The following UBE2S variants were observed in gnomAD, a reference collection of about 807,000 sequenced individuals.
UBE2S encodes ubiquitin-conjugating enzyme E2 S.
In UBE2S, 3 loss-of-function variants were observed where a neutral mutation model predicts 12.3. The ratio of observed to expected loss-of-function variants is 0.24; its 90% CI spans 0.11 to 0.63. The LOEUF (loss-of-function observed/expected upper bound fraction) is 0.63. Ranked by LOEUF, UBE2S falls within the 30% of genes least tolerant of loss-of-function variation. The pLI, the probability that UBE2S is intolerant of heterozygous loss-of-function variation, is 0.85. For missense variants in UBE2S, 211 were observed against 313.9 expected (o/e 0.67, Z 2.48); for synonymous variants, 133 against 142.0 (o/e 0.94, Z 0.45).
intron 3 of UBE2S, among the ~76,000 whole-genome samples, chr19:55,401,986 G>C (rs2090063050): frequency 6.6e-6 from 1 of 152,220 alleles, no homozygotes. Flanking sequence ...AGGACACGAT[G>C]CCATAGGCCC....
At chr19:55,407,100 C>A in intron 1 of UBE2S, 138 bp from the exon 2 acceptor site, 1 of 1,090,300 alleles carries the variant, frequency 9.2e-7, no homozygotes, top group Non-Finnish European at 1.3e-6. Context: ...AGACCCTCAC[C>A]CAGGATGCTT....
Position 55,404,191 on chromosome 19 carries a change from A to G in UBE2S, c.342+97T>C, listed in dbSNP as rs774129238. ...ATGTGGAAACCTTCAACCACTTCAG[A>G]GTTGATTCAGAAAAACTAAACAAAG... is the stretch of plus-strand genomic sequence containing the variant. On this transcript the variant is annotated intron_variant, in intron 3 of 3. Coordinates refer to ENST00000264552, the MANE Select transcript of UBE2S (RefSeq NM_014501.3). This position sits in a 1 kb window ranked among gnomAD's most constrained non-coding sequence, Gnocchi z 4.4. 3 of 1,476,872 alleles carry G rather than the reference A, an allele frequency of 2.0e-6. No homozygotes were observed. Among genetic ancestry groups the G allele is most frequent in the East Asian group, 2.4e-5 (1 of 42,456 alleles). 91.5% of individuals were successfully genotyped at this position (1,476,872 alleles called of 1,614,324 possible).
At chr19:55,402,169 G>A (rs746639669) in intron 3 of UBE2S, among the ~76,000 whole-genome samples, 17 of 152,204 alleles carry the variant, frequency 1.1e-4, no homozygotes, top group Admixed American at 2.6e-4. Context: ...CTGGTTCAAC[G>A]AGTGAGGCCT....
chr19:55,402,578 A>G (rs780346235), intron 3 of UBE2S, among the ~76,000 whole-genome samples: 21 of 152,172 alleles, frequency 1.4e-4, no homozygotes, highest in Non-Finnish European at 2.4e-4. Flanking sequence ...CATACACAGT[A>G]CCTGGCTCAG....
At chr19:55,406,497 T>C (rs1161712543) in intron 2 of UBE2S, among the ~76,000 whole-genome samples, 3 of 151,928 alleles carry the variant, frequency 2.0e-5, no homozygotes, top group African/African-American at 7.2e-5. Context: ...GCTGACACCA[T>C]TCCCACCACC....
At chr19:55,402,067 C>T (rs1318121467) in intron 3 of UBE2S, among the ~76,000 whole-genome samples, 1 of 152,208 alleles carries the variant, frequency 6.6e-6, no homozygotes, top group Non-Finnish European at 1.5e-5. Context: ...GGCCCCCTCT[C>T]AGGAGTCCAT....
chr19:55,402,887 T>G, intron 3 of UBE2S: 1 of 1,439,082 alleles, frequency 6.9e-7, no homozygotes, highest in Non-Finnish European at 9.3e-7. Flanking sequence ...CCCCACCCTC[T>G]CTGCCATGTG....
In UBE2S at chr19:55,404,958, C is replaced by T. The variant is rs1241064356; in HGVS notation, c.152-480G>A. ...AGGTGTGGTGGCTCACGCCTGTAAT[C>T]CCAGCACTTTGGGAGGCTAAGGCGG... On this transcript the variant is annotated intron_variant, in intron 2 of 3. Transcript: ENST00000264552. This position sits in a 1 kb window ranked among gnomAD's most constrained non-coding sequence, Gnocchi z 4.4. Among the ~76,000 whole-genome samples, 1 of 151,678 alleles carries T rather than the reference C, an allele frequency of 6.6e-6. No individual in the cohort carries two copies. Among genetic ancestry groups the T allele is most frequent in the Middle Eastern group, 3.4e-3 (1 of 294 alleles).
Position 55,401,694 on chromosome 19 carries a change from G to A in UBE2S, c.411C>T (p.Leu137=), listed in dbSNP as rs970279716. 6.2e-7 allele frequency: 1 copy of A among 1,613,018 alleles called. No individual in the cohort carries two copies. Among genetic ancestry groups the A allele is most frequent in the African/African-American group, 1.3e-5 (1 of 74,920 alleles). ...CCGCATACTCCTCGTAGTTCTCCAAGAGCAGGCGGCCCGCCTCCTCGTTGA... is the reference window on the plus strand; with the variant it reads ...CCGCATACTCCTCGTAGTTCTCCAAAAGCAGGCGGCCCGCCTCCTCGTTGA... ...SALNEEAGRL[L]LENYEEYAAR... is the part of the protein sequence containing the mutation. Residue 137 remains leucine, a synonymous_variant, in exon 4 of 4, where the codon CTC becomes CTT. Coordinates refer to ENST00000264552, the MANE Select transcript of UBE2S (RefSeq NM_014501.3).
Position 55,401,713 on chromosome 19 carries a change from T to C in UBE2S, c.392A>G (p.Glu131Gly). ...IHPNPESALNEEAGRLLLENY... is the reference protein window; with the variant it reads ...IHPNPESALNGEAGRLLLENY... Reference sequence around the variant, plus strand: ...CTCCAAGAGCAGGCGGCCCGCCTCCTCGTTGAGTGCAGACTCGGGGTTAGG... The same window carrying C: ...CTCCAAGAGCAGGCGGCCCGCCTCCCCGTTGAGTGCAGACTCGGGGTTAGG... The change falls in exon 4 of 4, where the codon GAG becomes GGG. Residue 131 changes from glutamate to glycine, a missense_variant. Physicochemically the swap from Glu to Gly is moderately conservative, Grantham distance 98 (BLOSUM62 -2). This residue lies in a region of UBE2S where 127 missense variants were observed against 224.0 expected (regional missense o/e 0.57). Coordinates refer to ENST00000264552, the MANE Select transcript of UBE2S (RefSeq NM_014501.3). 6 of 1,613,376 alleles carry C rather than the reference T, an allele frequency of 3.7e-6. No homozygotes were observed. The highest frequency in any genetic ancestry group is 5.1e-6 in the Non-Finnish European group (6 of 1,180,006).
intron 3 of UBE2S, among the ~76,000 whole-genome samples, chr19:55,403,430 A>C (rs942260900): frequency 1.3e-5 from 2 of 152,148 alleles, no homozygotes; most frequent in African/African-American, 4.8e-5. Flanking sequence ...TCAAGGCTAC[A>C]GTGAGCTATG....
chr19:55,407,077 C>G lies in UBE2S; in HGVS notation c.4-115G>C, dbSNP rs551329700. ...CTCAGTGGCCCCAGGCTGTCAATCACCCTTGAACTCCCAGACCCTCACCCA... is the reference window on the plus strand; with the variant it reads ...CTCAGTGGCCCCAGGCTGTCAATCAGCCTTGAACTCCCAGACCCTCACCCA... On this transcript the variant is annotated intron_variant, in intron 1 of 3. Coordinates refer to ENST00000264552, the MANE Select transcript of UBE2S (RefSeq NM_014501.3). 1.9e-4 allele frequency: 245 copies of G among 1,294,398 alleles called. 1 individual carries two copies. In the African/African-American group the frequency reaches 3.5e-3, roughly 18 times the overall value. 80.2% of individuals were successfully genotyped at this position (1,294,398 alleles called of 1,614,324 possible).
intron 3 of UBE2S, chr19:55,402,993 G>A: frequency 6.5e-7 from 1 of 1,534,824 alleles, no homozygotes; most frequent in Non-Finnish European, 8.7e-7. Flanking sequence ...TGGAGCACCA[G>A]CCTAGACCAG....
chr19:55,405,146 G>A (rs2090088667), intron 2 of UBE2S, among the ~76,000 whole-genome samples: 1 of 148,338 alleles, frequency 6.7e-6, no homozygotes, highest in African/African-American at 2.5e-5. Context: ...GGATGGGGAG[G>A]TTGCAGTGTG....
At chr19:55,402,954 G>C in intron 3 of UBE2S, 5 of 1,533,908 alleles carry the variant, frequency 3.3e-6, no homozygotes, top group East Asian at 2.4e-5. Context: ...TTGCGGGAAG[G>C]GTTGGGAGGC....
At position 55,401,728 on chromosome 19, in the gene UBE2S, T is replaced by C; in HGVS notation, c.377A>G (p.Glu126Gly). The C allele has an allele frequency of 6.2e-7, 1 of 1,613,276 alleles. No individual in the cohort carries two copies. The highest frequency in any genetic ancestry group is 1.1e-5 in the South Asian group (1 of 91,080). The part of the protein sequence containing the change: ...IKCLLIHPNP[E>G]SALNEEAGRL... ...GCCCGCCTCCTCGTTGAGTGCAGAC[T>C]CGGGGTTAGGGTGGATCAGCAGGCA... Residue 126 changes from glutamate to glycine, a missense_variant, in exon 4 of 4, where the codon GAG (glutamate) becomes GGG (glycine). By Grantham distance (98) the Glu-to-Gly change is moderately conservative. Coordinates refer to ENST00000264552, the MANE Select transcript of UBE2S (RefSeq NM_014501.3).
intron 3 of UBE2S, among the ~76,000 whole-genome samples, chr19:55,402,292 CCT>C (rs758596300): frequency 6.6e-6 from 1 of 152,238 alleles, no homozygotes; most frequent in African/African-American, 2.4e-5. Flanking sequence ...TAAATCCTGA[CCT>C]CTGTCTTTTA....
At position 55,401,468 on chromosome 19, in the gene UBE2S, T is replaced by C. The variant is rs1407201235; in HGVS notation, c.637A>G (p.Thr213Ala). The C allele has an allele frequency of 3.1e-6, 5 of 1,607,314 alleles. No homozygotes were observed. The highest frequency in any genetic ancestry group is 4.2e-6 in the Non-Finnish European group (5 of 1,179,568). ...CGCCGCAGCGCCCGCTTCTTGTCCG[T>C]CTTTTTCTTGGCCGCCAGCTTCTTA... is the stretch of plus-strand genomic sequence containing the variant. ...RDKKLAAKKK[T>A]DKKRALRRL Residue 213 changes from threonine (T) to alanine (A), a missense_variant, in exon 4 of 4, where the codon ACG becomes GCG. Thr to Ala is a moderately conservative substitution (Grantham distance 58). This residue lies in a region of UBE2S where 84 missense variants were observed against 89.9 expected (regional missense o/e 0.93). Coordinates refer to ENST00000264552, the MANE Select transcript of UBE2S (RefSeq NM_014501.3).
rs1042081348 is a variant in UBE2S, at chr19:55,400,279, A to G, written c.*1157T>C. The G allele has an allele frequency of 1.3e-5, 2 of 152,168 alleles. No homozygotes were observed. The highest frequency in any genetic ancestry group is 6.5e-5 in the Admixed American group (1 of 15,274). 9.4% of individuals were successfully genotyped at this position (152,168 alleles called of 1,614,324 possible). A position where few individuals can be genotyped will look rare whatever the true frequency, so the allele number is the denominator to read the frequency against. On this transcript the variant is annotated 3_prime_UTR_variant, in exon 4 of 4. Coordinates refer to ENST00000264552, the MANE Select transcript of UBE2S (RefSeq NM_014501.3). ...GCCTCAAGTGATCCTTTCACCTCCT[A>G]AAGTTGGGATTACAGGCGTGAGCCA...
Sources: gnomAD v4.1 joint callset for allele counts (sites outside exome capture counted in the v4.1 genomes callset) on GRCh38, gnomAD v4.1.1 for gene constraint, gnomAD v4.1.1 regional missense constraint, Gnocchi (gnomAD v3.1) non-coding constraint, MANE v1.5 for transcripts, NCBI Gene and HGNC (gene_info 2026-07-23, HGNC 2026-07-21) for gene names.